The following KPNA3 variants were observed in gnomAD, a reference collection of about 807,000 sequenced individuals.
KPNA3 encodes the protein importin subunit alpha-4.
In KPNA3, 13 loss-of-function variants were observed where a neutral mutation model predicts 73.8. The observed-to-expected ratio is 0.18, with a 90% CI of 0.11 to 0.28. The LOEUF (loss-of-function observed/expected upper bound fraction) is 0.28, where lower values mean the gene tolerates loss of function less well. Ranked by LOEUF, KPNA3 falls within the 10% of genes least tolerant of loss-of-function variation. The probability of loss-of-function intolerance (pLI) is 1.00; values close to 1 mark genes in which losing one functional copy is unlikely to be tolerated. For synonymous variants in KPNA3, 186 were observed against 206.9 expected (o/e 0.90, Z 0.87); for missense variants, 360 against 618.1 (o/e 0.58, Z 4.43).
chr13:49,784,842 T>C (rs537987523), intron 1 of KPNA3, among the ~76,000 whole-genome samples: 2 of 152,328 alleles, frequency 1.3e-5, no homozygotes, highest in East Asian at 1.9e-4. Context: ...GCAATGAAGA[T>C]ACATAGTCTG....
At chr13:49,758,352 T>A (rs1954729525) in intron 1 of KPNA3, among the ~76,000 whole-genome samples, 1 of 152,102 alleles carries the variant, frequency 6.6e-6, no homozygotes, top group East Asian at 1.9e-4. Flanking sequence ...TAAACGTGTA[T>A]CCATTTGGTA....
chr13:49,723,005 A>C (rs1954374264), intron 7 of KPNA3, among the ~76,000 whole-genome samples: 1 of 152,124 alleles, frequency 6.6e-6, no homozygotes. Context: ...TACTCTTTAC[A>C]GAATGTATAC....
rs372027513 is a variant in KPNA3, at chr13:49,705,646, T to A, written c.1347A>T (p.Ile449=). The A allele has an allele frequency of 1.1e-5, 18 of 1,613,984 alleles. No individual in the cohort carries two copies. In the African/African-American group the frequency reaches 2.0e-4, roughly 18 times the overall value. Residue 449 remains isoleucine (I), a synonymous_variant, in exon 15 of 17, where the codon ATA becomes ATT. Coordinates refer to ENST00000261667, the MANE Select transcript of KPNA3 (RefSeq NM_002267.4). ...CTCCACATTCCTCTATTATTTCAGC[T>A]ATTGTGCTTGCTTCATCACCGGCCA... ...LIMAGDEAST[I]AEIIEECGGL...
intron 6 of KPNA3, among the ~76,000 whole-genome samples, chr13:49,731,249 G>GTTTTTTT (rs143641829): frequency 7.8e-5 from 8 of 102,214 alleles, no homozygotes; most frequent in East Asian, 3.3e-4. Context: ...TAATTTTCGT[G>GTTTTTTT]TTTTTTTTTT....
At chr13:49,782,640 AG>A (rs1333120562) in intron 1 of KPNA3, among the ~76,000 whole-genome samples, 1 of 152,158 alleles carries the variant, frequency 6.6e-6, no homozygotes, top group Non-Finnish European at 1.5e-5. Context: ...GCACTTTGGG[AG>A]GCTGAGGTAG....
At chr13:49,734,214 T>C (rs559500980) in intron 2 of KPNA3, among the ~76,000 whole-genome samples, 6 of 152,368 alleles carry the variant, frequency 3.9e-5, no homozygotes, top group African/African-American at 7.2e-5. Context: ...ATAATAGTTT[T>C]CCTACTGTTC....
intron 1 of KPNA3, among the ~76,000 whole-genome samples, chr13:49,781,287 G>A (rs1307701317): frequency 3.3e-5 from 5 of 152,148 alleles, no homozygotes; most frequent in Non-Finnish European, 5.9e-5. Context: ...CCTTGAGCAG[G>A]AACCCTGAGG....
At chr13:49,716,021 CTAATA>C (rs1342338109) in intron 10 of KPNA3, among the ~76,000 whole-genome samples, 1 of 151,354 alleles carries the variant, frequency 6.6e-6, no homozygotes, top group Non-Finnish European at 1.5e-5. Context: ...TTTTTTCTAA[CTAATA>C]TAATAATGAA....
chr13:49,734,954 T>TAGAGAGAGAGAGAGAGAGAG lies in KPNA3; in HGVS notation c.115-1928_115-1909dup, dbSNP rs10675449. Among the ~76,000 whole-genome samples the TAGAGAGAGAGAGAGAGAGAG allele has an allele frequency of 2.5e-4, 36 of 145,900 alleles. 1 individual carries two copies. The highest frequency in any genetic ancestry group is 4.4e-4 in the African/African-American group (17 of 39,076). On this transcript the variant is annotated intron_variant, in intron 2 of 16. Transcript: ENST00000261667. The stretch of plus-strand genomic sequence containing the variant: ...ATATATATATAGAGAGAGAGATAGA[T>TAGAGAGAGAGAGAGAGAGAG]AGAGAGAGAGAGAGAGAGAGACATT...
intron 7 of KPNA3, among the ~76,000 whole-genome samples, chr13:49,723,897 GA>G (rs994957745): frequency 4.0e-5 from 6 of 149,438 alleles, no homozygotes; most frequent in African/African-American, 1.5e-4. Flanking sequence ...AAAGAAAAAA[GA>G]AAAAAGAAAT....
intron 1 of KPNA3, among the ~76,000 whole-genome samples, chr13:49,787,705 A>G (rs1008999199): frequency 7.5e-6 from 1 of 133,874 alleles, no homozygotes. Context: ...TTTGAGACGG[A>G]GTTTCGCTCT....
At chr13:49,713,107 T>A (rs559871406) in intron 10 of KPNA3, among the ~76,000 whole-genome samples, 17 of 152,034 alleles carry the variant, frequency 1.1e-4, no homozygotes, top group African/African-American at 4.1e-4. Context: ...GTATGCCAAG[T>A]AAATGATAAA....
At chr13:49,709,504 G>T (rs1443886867) in intron 12 of KPNA3, 68 bp downstream of exon 12, 3 of 1,308,048 alleles carry the variant, frequency 2.3e-6, no homozygotes, top group Non-Finnish European at 3.1e-6. Flanking sequence ...AGTAGCAATA[G>T]AAACAAGGAG....
At chr13:49,749,105 C>G (rs1954641543) in intron 1 of KPNA3, among the ~76,000 whole-genome samples, 1 of 152,148 alleles carries the variant, frequency 6.6e-6, no homozygotes, top group Admixed American at 6.5e-5. Context: ...ACAAAAAGAT[C>G]CAGGCAGCAT....
intron 2 of KPNA3, among the ~76,000 whole-genome samples, chr13:49,733,915 A>G (rs1954495346): frequency 6.6e-6 from 1 of 152,240 alleles, no homozygotes; most frequent in African/African-American, 2.4e-5. Flanking sequence ...AGAGACAGTA[A>G]GGGAAGCCTG....
intron 12 of KPNA3, among the ~76,000 whole-genome samples, chr13:49,707,465 G>C (rs1195602510): frequency 6.6e-6 from 1 of 152,122 alleles, no homozygotes; most frequent in Non-Finnish European, 1.5e-5. Flanking sequence ...TCTACTTCCA[G>C]GGTCCTATGA....
At chr13:49,762,940 G>A (rs1455103339) in intron 1 of KPNA3, among the ~76,000 whole-genome samples, 70 of 77,194 alleles carry the variant, frequency 9.1e-4, no homozygotes, top group African/African-American at 2.3e-3. Flanking sequence ...AAAAAGAAGA[G>A]GAGAGGTCGG....
intron 6 of KPNA3, among the ~76,000 whole-genome samples, chr13:49,730,114 G>A (rs544384394): frequency 1.1e-4 from 17 of 152,110 alleles, no homozygotes; most frequent in African/African-American, 3.6e-4. Flanking sequence ...TCATTAAGCT[G>A]TATATATTTT....
intron 1 of KPNA3, among the ~76,000 whole-genome samples, chr13:49,758,171 T>TA (rs1954727595): frequency 6.6e-6 from 1 of 151,882 alleles, no homozygotes; most frequent in African/African-American, 2.4e-5. Context: ...AAAAGTATAC[T>TA]AAAACAAAAA....
Sources: gnomAD v4.1 joint callset for allele counts (sites outside exome capture counted in the v4.1 genomes callset) on GRCh38, gnomAD v4.1.1 for gene constraint, MANE v1.5 for transcripts, NCBI Gene and HGNC (gene_info 2026-07-23, HGNC 2026-07-21) for gene names.